PPP1R10: variants seen among roughly 807,000 people sequenced by gnomAD.
The protein encoded by PPP1R10 is serine/threonine-protein phosphatase 1 regulatory subunit 10.
Under a neutral mutation model 99.0 loss-of-function variants are expected in PPP1R10, and 15 were observed. The observed-to-expected ratio is 0.15, with a 90% confidence interval of 0.10 to 0.23. The LOEUF is 0.23. Ranked by LOEUF, PPP1R10 falls within the 10% of genes least tolerant of loss-of-function variation. The pLI, the probability that PPP1R10 is intolerant of heterozygous loss-of-function variation, is 1.00. For synonymous variants in PPP1R10, 430 were observed against 449.5 expected, an observed-to-expected ratio of 0.96 and a Z score of 0.55; for missense variants, 947 against 1,259.4, an observed-to-expected ratio of 0.75 and a Z score of 3.75.
chr6:30,606,336 T>C lies in PPP1R10; in HGVS notation c.635-93A>G, dbSNP rs1376307186. 4 of 1,571,012 alleles carry C rather than the reference T, an allele frequency of 2.5e-6. No individual in the cohort carries two copies. The Admixed American group carries it at 7.0e-5, about 27-fold the overall frequency. On this transcript the variant is annotated intron_variant, in intron 8 of 19. Transcript: ENST00000376511. This position sits in a 1 kb window ranked among gnomAD's most constrained non-coding sequence, Gnocchi z 6.3. ...TCACCCGCAAATGTTCTTCTAGCCT[T>C]GTAACCAAAGCTTCCTCTGCTAGTC... is the stretch of plus-strand genomic sequence containing the variant.
In PPP1R10 at chr6:30,601,228, T is replaced by C; in HGVS notation, c.*321A>G. The C allele has an allele frequency of 2.9e-6, 1 of 340,286 alleles. No individual in the cohort carries two copies. Among genetic ancestry groups the C allele is most frequent in the East Asian group, 4.9e-5 (1 of 20,512 alleles). 21.1% of individuals were successfully genotyped at this position (340,286 alleles called of 1,614,324 possible). On this transcript the variant is annotated 3_prime_UTR_variant, in exon 20 of 20. Transcript: ENST00000376511. ...TTCGCCAGGATAACCAGCTTTAGGT[T>C]CTCAAGCATTAAGGGTAATACTGGA... is the stretch of plus-strand genomic sequence containing the variant.
At chr6:30,610,016 A>G in intron 2 of PPP1R10, 61 bp from the exon 3 acceptor site, 1 of 1,036,728 alleles carries the variant, frequency 9.6e-7, no homozygotes, top group Middle Eastern at 2.0e-4. Flanking sequence ...GGACTACCCG[A>G]GTAGGCCCTC....
chr6:30,615,163 G>A lies in PPP1R10; in HGVS notation c.-12+1315C>T, dbSNP rs144594934. Among the ~76,000 whole-genome samples, 139 of 149,444 alleles carry A rather than the reference G, an allele frequency of 9.3e-4. 1 individual carries two copies. Among genetic ancestry groups the A allele is most frequent in the African/African-American group, 3.1e-3 (125 of 40,314 alleles). ...ACGCCATTTTGTAATGGAGAAAGAG[G>A]ACTTAAACTAAAAAGCCACCCGGCT... On this transcript the variant is annotated intron_variant, in intron 2 of 19. Transcript: ENST00000376511.
chr6:30,604,871 C>A lies in PPP1R10; in HGVS notation c.954+123G>T. On this transcript the variant is annotated intron_variant, in intron 11 of 19. Coordinates refer to ENST00000376511, the MANE Select transcript of PPP1R10 (RefSeq NM_002714.4). This position sits in a 1 kb window ranked among gnomAD's most constrained non-coding sequence, Gnocchi z 7.3. ...CTGTCTCCACAATGTCTCACCTGCACCAGTCTATATCCAAGGCAAAACGCC... is the reference window on the plus strand; with the variant it reads ...CTGTCTCCACAATGTCTCACCTGCAACAGTCTATATCCAAGGCAAAACGCC... 1 of 1,509,640 alleles carries A rather than the reference C, an allele frequency of 6.6e-7. No homozygotes were observed. The highest frequency in any genetic ancestry group is 9.2e-7 in the Non-Finnish European group (1 of 1,087,414). 93.5% of individuals were successfully genotyped at this position (1,509,640 alleles called of 1,614,324 possible).
rs751622396 is a variant in PPP1R10, at chr6:30,604,444, G to T, written c.1170C>A (p.Thr390=). The change falls in exon 13 of 20, where the codon ACC becomes ACA. Residue 390 remains threonine (T), a synonymous_variant. Transcript: ENST00000376511. The surrounding 1 kb of genome is among the most constrained non-coding windows in gnomAD (Gnocchi z 7.3). The part of the protein sequence containing the change: ...VESPGDPNQL[T]RKGRKRKSVT... ...CACTTTTCCTCTTCCTGCCTTTCCG[G>T]GTCAGTTGGTTAGGATCTCCAGGAC... is the stretch of plus-strand genomic sequence containing the variant. 7.4e-6 allele frequency: 12 copies of T among 1,613,188 alleles called. No individual in the cohort carries two copies. In the South Asian group the frequency reaches 1.3e-4, roughly 18 times the overall value.
At chr6:30,601,714 C>A (rs1803334835) in intron 19 of PPP1R10, 56 bp from the exon 20 acceptor site, 1 of 1,477,786 alleles carries the variant, frequency 6.8e-7, no homozygotes, top group South Asian at 1.2e-5. Context: ...CAATGCCACC[C>A]TCACCACCCC....
At position 30,606,374 on chromosome 6, in the gene PPP1R10, T is replaced by TA; in HGVS notation, c.634+93dup. On this transcript the variant is annotated intron_variant, in intron 8 of 19. Transcript: ENST00000376511. The surrounding 1 kb of genome is among the most constrained non-coding windows in gnomAD (Gnocchi z 6.3). ...TCCTCTGCTAGTCTTCCCTCTTCCT[T>TA]ACGATTAACATACCACACATCAAAT... 1.3e-6 allele frequency: 2 copies of TA among 1,576,612 alleles called. No individual in the cohort carries two copies. The highest frequency in any genetic ancestry group is 1.7e-6 in the Non-Finnish European group (2 of 1,155,216).
rs1257481537 is a variant in PPP1R10 at position 30,601,180 on chromosome 6, C to G, written c.*369G>C. ...TCAGAGTTCTGTGTGCATGTGGGGACCCGCAATAGAAGGGTAGGGGTGTTC... is the reference window on the plus strand; with the variant it reads ...TCAGAGTTCTGTGTGCATGTGGGGAGCCGCAATAGAAGGGTAGGGGTGTTC... On this transcript the variant is annotated 3_prime_UTR_variant, in exon 20 of 20. Transcript: ENST00000376511. 4.3e-6 allele frequency: 1 copy of G among 232,068 alleles called. No homozygotes were observed. The highest frequency in any genetic ancestry group is 8.5e-6 in the Non-Finnish European group (1 of 117,892). The allele number at this position is 232,068 out of a possible 1,614,324, so 14.4% of individuals were successfully genotyped here.
chr6:30,608,752 G>C, intron 5 of PPP1R10, 27 bp downstream of exon 5: 1 of 1,607,106 alleles, frequency 6.2e-7, no homozygotes, highest in Non-Finnish European at 8.5e-7. Context: ...AAAAAAGGAA[G>C]AATCAGGGTT....
In PPP1R10 at chr6:30,609,374, G is replaced by C. The variant is rs1804314564; in HGVS notation, c.108-211C>G. Among the ~76,000 whole-genome samples the C allele has an allele frequency of 1.3e-5, 2 of 152,148 alleles. No individual in the cohort carries two copies. The highest frequency in any genetic ancestry group is 2.9e-5 in the Non-Finnish European group (2 of 68,024). ...GAGACACCGCAGTCTCTGACCTGGGGAGGAGAGCATCGCTGCCTCCGTAAC... is the reference window on the plus strand; with the variant it reads ...GAGACACCGCAGTCTCTGACCTGGGCAGGAGAGCATCGCTGCCTCCGTAAC... On this transcript the variant is annotated intron_variant, in intron 3 of 19. Transcript: ENST00000376511. The surrounding 1 kb of genome is among the most constrained non-coding windows in gnomAD (Gnocchi z 4.5).
chr6:30,607,767 G>A (rs913770083), intron 6 of PPP1R10, 73 bp downstream of exon 6: 22 of 1,491,736 alleles, frequency 1.5e-5, no homozygotes, highest in Middle Eastern at 3.4e-4. Context: ...ATCCAAGGAT[G>A]GGAAAAGATA....
intron 2 of PPP1R10, among the ~76,000 whole-genome samples, chr6:30,615,760 G>T (rs1045460486): frequency 2.6e-5 from 4 of 151,896 alleles, no homozygotes; most frequent in Non-Finnish European, 4.4e-5. Context: ...TATGCAATCT[G>T]CAACAATTAT....
At chr6:30,608,012 G>C in intron 5 of PPP1R10, 121 bp from the exon 6 acceptor site, 1 of 1,004,438 alleles carries the variant, frequency 1.0e-6, no homozygotes, top group Non-Finnish European at 1.5e-6. Context: ...TTTTTGAGAC[G>C]GAGTCTCACT....
At chr6:30,615,593 T>G (rs1349612630) in intron 2 of PPP1R10, among the ~76,000 whole-genome samples, 1 of 152,196 alleles carries the variant, frequency 6.6e-6, no homozygotes, top group Non-Finnish European at 1.5e-5. Context: ...ACGACACAAA[T>G]CTTTTAGAAA....
chr6:30,606,212 A>T lies in PPP1R10; in HGVS notation c.666T>A (p.Pro222=). ...GLELETPSLV[P]VKKNASTVVV... ...CCACTGTGCTGGCATTCTTCTTCAC[A>T]GGCACCAAGGATGGTGTCTCCAGCT... The change falls in exon 9 of 20, where the codon CCT becomes CCA. Residue 222 remains proline (P), a synonymous_variant. Transcript: ENST00000376511. The surrounding 1 kb of genome is among the most constrained non-coding windows in gnomAD (Gnocchi z 6.3). 6.2e-7 allele frequency: 1 copy of T among 1,614,158 alleles called. No individual in the cohort carries two copies. Among genetic ancestry groups the T allele is most frequent in the Admixed American group, 1.7e-5 (1 of 60,016 alleles).
Position 30,606,905 on chromosome 6 carries a change from CT to C in PPP1R10, c.383-50del. ...TGCCTAAATAATGTAAAGTAACATT[CT>C]TCCAGGAACAGAAAATGGGAGGTTT... On this transcript the variant is annotated intron_variant, in intron 6 of 19. Coordinates refer to ENST00000376511, the MANE Select transcript of PPP1R10 (RefSeq NM_002714.4). This position sits in a 1 kb window ranked among gnomAD's most constrained non-coding sequence, Gnocchi z 6.3. 1 of 1,490,684 alleles carries C rather than the reference CT, an allele frequency of 6.7e-7. No individual in the cohort carries two copies. The highest frequency in any genetic ancestry group is 1.2e-5 in the South Asian group (1 of 85,594). The allele number at this position is 1,490,684 out of a possible 1,614,324, so 92.3% of individuals were successfully genotyped here.
At chr6:30,603,406 G>C in intron 16 of PPP1R10, 66 bp downstream of exon 16, 1 of 1,588,644 alleles carries the variant, frequency 6.3e-7, no homozygotes, top group Non-Finnish European at 8.6e-7. Flanking sequence ...GCGAATGGGA[G>C]ACAGTGAGGA....
chr6:30,606,963 G>T lies in PPP1R10; in HGVS notation c.383-107C>A. The T allele has an allele frequency of 9.9e-7, 1 of 1,013,148 alleles. No individual in the cohort carries two copies. The highest frequency in any genetic ancestry group is 1.5e-6 in the Non-Finnish European group (1 of 671,918). The allele number at this position is 1,013,148 out of a possible 1,614,324, so 62.8% of individuals were successfully genotyped here. ...ATATTGTGAAAATTTATGTAACGGA[G>T]AAAGTAACCCAAAGTTTTAAGAAGA... is the stretch of plus-strand genomic sequence containing the variant. On this transcript the variant is annotated intron_variant, in intron 6 of 19. Transcript: ENST00000376511. This position sits in a 1 kb window ranked among gnomAD's most constrained non-coding sequence, Gnocchi z 6.3.
Position 30,604,389 on chromosome 6 carries a change from C to G in PPP1R10, c.1225G>C (p.Glu409Gln). The G allele has an allele frequency of 1.2e-6, 2 of 1,614,088 alleles. No homozygotes were observed. Among genetic ancestry groups the G allele is most frequent in the Non-Finnish European group, 1.7e-6 (2 of 1,180,034 alleles). ...TCATCCAATTCAAAATAGAAATATT[C>G]TCTCAGTTTGCCTTCCTCAGGCCAT... ...VTWPEEGKLR[E>Q]YFYFELDETE... The change falls in exon 13 of 20, where the codon GAA becomes CAA. Residue 409 changes from glutamate to glutamine, a missense_variant. Coordinates refer to ENST00000376511, the MANE Select transcript of PPP1R10 (RefSeq NM_002714.4). This position sits in a 1 kb window ranked among gnomAD's most constrained non-coding sequence, Gnocchi z 7.3.
Sources: allele counts gnomAD v4.1 joint callset (sites outside exome capture counted in the v4.1 genomes callset), GRCh38; gene constraint gnomAD v4.1.1; non-coding constraint Gnocchi (gnomAD v3.1); transcripts MANE v1.5; gene names NCBI Gene and HGNC (gene_info 2026-07-23, HGNC 2026-07-21).